Variants in STAB2 observed in about 807,000 individuals in gnomAD.
The protein encoded by STAB2 is stabilin-2.
STAB2 carries 288 observed loss-of-function variants against 338.1 expected under a neutral mutation model. The ratio of observed to expected loss-of-function variants is 0.85; its 90% CI spans 0.77 to 0.94. STAB2 has a LOEUF of 0.94. STAB2 is among the 40% of genes least tolerant of loss of function. STAB2 has a pLI of 0.00. For missense variants in STAB2, 3,141 were observed against 3,210.1 expected (o/e 0.98, Z 0.52); for synonymous variants, 1,202 against 1,193.3 (o/e 1.01, Z -0.15).
chr12:103,639,935 C>T (rs1203557638), intron 8 of STAB2, among the ~76,000 whole-genome samples, 188 bp from the exon 9 acceptor site: 1 of 152,134 alleles, frequency 6.6e-6, no homozygotes, highest in African/African-American at 2.4e-5. Flanking sequence ...TATAAGCTTT[C>T]CAGCAGGTGA....
Position 103,766,453 on chromosome 12 carries a change from C to A in STAB2, c.*117C>A. ...GTCCTTTAAGCACTCAGAAGCCATA[C>A]CTCATCTCTCTGGCTGATCTGGGGG... On this transcript the variant is annotated 3_prime_UTR_variant, in exon 69 of 69. Transcript: ENST00000388887. 1 of 1,185,834 alleles carries A rather than the reference C, an allele frequency of 8.4e-7. No homozygotes were observed. The highest frequency in any genetic ancestry group is 1.2e-6 in the Non-Finnish European group (1 of 845,218). 73.5% of individuals were successfully genotyped at this position (1,185,834 alleles called of 1,614,324 possible).
chr12:103,684,805 G>A (rs76116471), intron 26 of STAB2, among the ~76,000 whole-genome samples, 184 bp from the exon 27 acceptor site: 5,243 of 152,288 alleles, frequency 0.034, 141 homozygotes, highest in East Asian at 0.12. Flanking sequence ...GTGATTAATA[G>A]CTGCATCAAA....
Position 103,664,424 on chromosome 12 carries a change from G to A in STAB2, c.2022+1426G>A, listed in dbSNP as rs553619647. On this transcript the variant is annotated intron_variant, in intron 18 of 68. Coordinates refer to ENST00000388887, the MANE Select transcript of STAB2 (RefSeq NM_017564.10). The stretch of plus-strand genomic sequence containing the variant: ...CTCCCAAAGTGGTGGGATTACAGGC[G>A]TGAGCCACCGCCCCTGGCCAGTTCA... Among the ~76,000 whole-genome samples, 10 of 152,306 alleles carry A rather than the reference G, an allele frequency of 6.6e-5. No individual in the cohort carries two copies. In the East Asian group the frequency reaches 1.2e-3, roughly 18 times the overall value.
At chr12:103,735,394 A>T (rs2139096756) in intron 51 of STAB2, 97 bp from the exon 52 acceptor site, 1 of 691,632 alleles carries the variant, frequency 1.4e-6, no homozygotes. Flanking sequence ...TCGTGGAAAA[A>T]TTTGCATCTG....
At chr12:103,700,572 G>A (rs1451815643) in intron 34 of STAB2, among the ~76,000 whole-genome samples, 1 of 152,202 alleles carries the variant, frequency 6.6e-6, no homozygotes, top group East Asian at 1.9e-4. Flanking sequence ...ACTTGGAAGA[G>A]GCCCTTTTAA....
intron 52 of STAB2, 36 bp from the exon 53 acceptor site, chr12:103,737,598 C>CTTTTTTTTTTTT (rs751889965): frequency 1.6e-6 from 2 of 1,252,034 alleles, no homozygotes; most frequent in Non-Finnish European, 1.1e-6. Context: ...CTCTCTCTCT[C>CTTTTTTTTTTTT]TCTTTCTCTT....
At chr12:103,606,187 T>G (rs1783249811) in intron 3 of STAB2, among the ~76,000 whole-genome samples, 1 of 152,168 alleles carries the variant, frequency 6.6e-6, no homozygotes, top group Non-Finnish European at 1.5e-5. Flanking sequence ...ATGGAATAAA[T>G]CTTTAACTTA....
Position 103,706,850 on chromosome 12 carries a change from C to A in STAB2, c.4055C>A (p.Ala1352Asp). The A allele has an allele frequency of 6.2e-7, 1 of 1,614,268 alleles. No homozygotes were observed. Among genetic ancestry groups the A allele is most frequent in the Non-Finnish European group, 8.5e-7 (1 of 1,180,044 alleles). The change falls in exon 38 of 69, where the codon GCC (alanine) becomes GAC (aspartate). Residue 1352 changes from alanine to aspartate, a missense_variant. Transcript: ENST00000388887. The part of the protein sequence containing the change: ...GPQCQPCPGN[A>D]QNVCFGNGIC... Reference sequence around the variant, plus strand: ...CAATGCCAGCCCTGCCCAGGGAATGCCCAGAATGTCTGCTTTGGTAATGGC... The same window carrying A: ...CAATGCCAGCCCTGCCCAGGGAATGACCAGAATGTCTGCTTTGGTAATGGC...
chr12:103,699,236 C>T lies in STAB2; in HGVS notation c.3714+9C>T, dbSNP rs758462711. ...TTCTCCATAATGACCAGGTACGATCCTTTTATGTAAAACCCCAGCAATGCC... is the reference window on the plus strand; with the variant it reads ...TTCTCCATAATGACCAGGTACGATCTTTTTATGTAAAACCCCAGCAATGCC... On this transcript the variant is annotated intron_variant, in intron 34 of 68. Coordinates refer to ENST00000388887, the MANE Select transcript of STAB2 (RefSeq NM_017564.10). The T allele has an allele frequency of 1.9e-6, 3 of 1,605,304 alleles. No individual in the cohort carries two copies. Among genetic ancestry groups the T allele is most frequent in the East Asian group, 2.2e-5 (1 of 44,594 alleles).
intron 33 of STAB2, among the ~76,000 whole-genome samples, chr12:103,696,476 A>G (rs1192114394): frequency 1.3e-5 from 2 of 152,170 alleles, no homozygotes; most frequent in African/African-American, 4.8e-5. Context: ...AATATCGGAT[A>G]AATTATGATC....
Position 103,684,095 on chromosome 12 carries a change from C to T in STAB2, c.2901+795C>T, listed in dbSNP as rs114756096. 3.5e-3 allele frequency among the ~76,000 whole-genome samples: 532 copies of T among 152,282 alleles called. 9 individuals carry two copies. The highest frequency in any genetic ancestry group is 0.012 in the African/African-American group (509 of 41,562). ...AGTCCTCTGAGACAATGTGACCTCT[C>T]GTTTGACTTCCCTCTGTGCATTTTC... On this transcript the variant is annotated intron_variant, in intron 26 of 68. Transcript: ENST00000388887.
At position 103,755,317 on chromosome 12, in the gene STAB2, T is replaced by C. The variant is rs1884014513; in HGVS notation, c.6730T>C (p.Cys2244Arg). The C allele has an allele frequency of 6.2e-7, 1 of 1,614,044 alleles. No homozygotes were observed. The highest frequency in any genetic ancestry group is 8.5e-7 in the Non-Finnish European group (1 of 1,180,004). ...SYAQKAKYHLCSAGWLETGRV... is the reference protein window; with the variant it reads ...SYAQKAKYHLRSAGWLETGRV... ...ATCCCTGCAGGCCAAGTACCACCTGTGCTCAGCAGGCTGGCTGGAGACCGG... is the reference window on the plus strand; with the variant it reads ...ATCCCTGCAGGCCAAGTACCACCTGCGCTCAGCAGGCTGGCTGGAGACCGG... Residue 2244 changes from cysteine to arginine, a missense_variant, in exon 62 of 69, where the codon TGC (cysteine) becomes CGC (arginine). Cys to Arg is a radical substitution (Grantham distance 180, BLOSUM62 -3). Transcript: ENST00000388887.
chr12:103,621,693 A>G (rs1361820919), intron 4 of STAB2, among the ~76,000 whole-genome samples: 1 of 152,254 alleles, frequency 6.6e-6, no homozygotes, highest in East Asian at 1.9e-4. Flanking sequence ...ACTGCACTTC[A>G]GCCTGGGTGA....
chr12:103,684,810 A>G (rs1877245587), intron 26 of STAB2, among the ~76,000 whole-genome samples, 179 bp from the exon 27 acceptor site: 1 of 152,214 alleles, frequency 6.6e-6, no homozygotes, highest in East Asian at 1.9e-4. Context: ...TAATAGCTGC[A>G]TCAAACATGC....
chr12:103,747,849 G>A (rs1883190940), intron 58 of STAB2, among the ~76,000 whole-genome samples: 1 of 152,004 alleles, frequency 6.6e-6, no homozygotes, highest in African/African-American at 2.4e-5. Context: ...ACAAAAATTA[G>A]CCGGGCATGG....
At chr12:103,589,658 AG>A (rs1431559311) in intron 1 of STAB2, among the ~76,000 whole-genome samples, 2 of 152,236 alleles carry the variant, frequency 1.3e-5, no homozygotes, top group Non-Finnish European at 2.9e-5. Flanking sequence ...GTAGAAGTTG[AG>A]AAAAGGAAGA....
rs145127620 is a variant in STAB2 at position 103,703,353 on chromosome 12, G to T, written c.3843+77G>T. The T allele has an allele frequency of 5.2e-4, 797 of 1,545,646 alleles. 10 individuals carry two copies. In the East Asian group the frequency reaches 0.016, roughly 31 times the overall value. ...TTTTATATAATTTTGGGGGCATAAG[G>T]CTTTTCTATTAAGGTGTATCAATTC... On this transcript the variant is annotated intron_variant, in intron 35 of 68. Coordinates refer to ENST00000388887, the MANE Select transcript of STAB2 (RefSeq NM_017564.10).
At chr12:103,694,920 G>A (rs1194182500) in intron 31 of STAB2, among the ~76,000 whole-genome samples, 2 of 151,956 alleles carry the variant, frequency 1.3e-5, no homozygotes, top group Non-Finnish European at 2.9e-5. Flanking sequence ...AAGACATTAG[G>A]GAGTGGTGGA....
intron 3 of STAB2, among the ~76,000 whole-genome samples, chr12:103,602,085 G>A (rs1010830751): frequency 1.3e-5 from 2 of 152,198 alleles, no homozygotes; most frequent in Non-Finnish European, 2.9e-5. Flanking sequence ...ATAGGGAACA[G>A]TTGCATATCC....
Sources: allele counts gnomAD v4.1 joint callset (sites outside exome capture counted in the v4.1 genomes callset), GRCh38; gene constraint gnomAD v4.1.1; transcripts MANE v1.5; gene names NCBI Gene and HGNC (gene_info 2026-07-23, HGNC 2026-07-21).